The following AUTS2 variants were observed in gnomAD, a reference collection of about 807,000 sequenced individuals.
AUTS2 encodes autism susceptibility gene 2 protein.
A neutral mutation model predicts 112.4 loss-of-function variants in AUTS2; 17 were observed. The ratio of observed to expected loss-of-function variants is 0.15; its 90% CI spans 0.10 to 0.23. The LOEUF (loss-of-function observed/expected upper bound fraction) is 0.23, where lower values mean the gene tolerates loss of function less well. Ranked by LOEUF, AUTS2 falls within the 10% of genes least tolerant of loss-of-function variation. The pLI, the probability that AUTS2 is intolerant of heterozygous loss-of-function variation, is 1.00. For missense variants in AUTS2, 1,510 were observed against 1,701.6 expected (o/e 0.89, Z 1.98); for synonymous variants, 751 against 702.7 (o/e 1.07, Z -1.09).
chr7:70,686,769 G>A (rs1012595968), intron 5 of AUTS2, among the ~76,000 whole-genome samples: 1 of 152,120 alleles, frequency 6.6e-6, no homozygotes, highest in Non-Finnish European at 1.5e-5. Context: ...CTGACCTCAG[G>A]TGATCTGCCC....
At chr7:70,671,992 G>C (rs1807668642) in intron 5 of AUTS2, among the ~76,000 whole-genome samples, 1 of 152,224 alleles carries the variant, frequency 6.6e-6, no homozygotes, top group Non-Finnish European at 1.5e-5. Flanking sequence ...TGAGCAAGAG[G>C]CACAGGGAAG....
chr7:70,116,664 A>G (rs1805372393), intron 2 of AUTS2, among the ~76,000 whole-genome samples: 1 of 152,158 alleles, frequency 6.6e-6, no homozygotes, highest in African/African-American at 2.4e-5. Flanking sequence ...ATTTCCCAGC[A>G]TGTTGCTTTT....
intron 5 of AUTS2, among the ~76,000 whole-genome samples, chr7:70,636,649 ATT>A (rs11320215): frequency 2.9e-3 from 398 of 137,528 alleles, no homozygotes; most frequent in East Asian, 4.7e-3. Flanking sequence ...ACAAAAATAC[ATT>A]TTTTTTTTTT....
intron 4 of AUTS2, among the ~76,000 whole-genome samples, chr7:70,314,721 C>T (rs955849623): frequency 5.3e-5 from 8 of 152,162 alleles, no homozygotes; most frequent in African/African-American, 1.4e-4. Flanking sequence ...CTTCCATCTC[C>T]GCCATTTAAC....
chr7:70,303,428 G>GCACA (rs1720904843), intron 4 of AUTS2, among the ~76,000 whole-genome samples: 1 of 112,832 alleles, frequency 8.9e-6, no homozygotes, highest in Admixed American at 8.8e-5. Context: ...ACACACGCGC[G>GCACA]CGCGCGCACA....
At chr7:70,645,255 C>T (rs970591809) in intron 5 of AUTS2, among the ~76,000 whole-genome samples, 3 of 117,356 alleles carry the variant, frequency 2.6e-5, no homozygotes, top group Non-Finnish European at 4.8e-5. Context: ...TCATTAGGAG[C>T]TGGACATGAA....
intron 4 of AUTS2, among the ~76,000 whole-genome samples, chr7:70,187,336 A>G (rs543684720): frequency 7.2e-5 from 11 of 152,338 alleles, no homozygotes; most frequent in African/African-American, 2.2e-4. Flanking sequence ...ATAGATATTT[A>G]TATACTTTAT....
intron 1 of AUTS2, among the ~76,000 whole-genome samples, chr7:69,688,464 A>G (rs753938361): frequency 3.3e-5 from 5 of 152,198 alleles, no homozygotes; most frequent in Admixed American, 6.5e-5. Context: ...TGCCCTTGGG[A>G]AGAGGGTTCA....
At chr7:70,056,231 C>T (rs957039954) in intron 2 of AUTS2, among the ~76,000 whole-genome samples, 1 of 152,190 alleles carries the variant, frequency 6.6e-6, no homozygotes, top group Non-Finnish European at 1.5e-5. Flanking sequence ...GCAATCCATC[C>T]TCCTCATCTT....
intron 5 of AUTS2, among the ~76,000 whole-genome samples, chr7:70,620,367 G>A (rs1212215466): frequency 2.6e-5 from 4 of 152,176 alleles, no homozygotes; most frequent in Admixed American, 2.0e-4. Context: ...AAATTCTCCA[G>A]CGGAGCGTGT....
chr7:69,716,825 G>C (rs1798632325), intron 1 of AUTS2, among the ~76,000 whole-genome samples: 2 of 152,022 alleles, frequency 1.3e-5, no homozygotes, highest in African/African-American at 2.4e-5. Context: ...GAACCCGGGG[G>C]GGAAAAATTT....
At chr7:69,846,379 G>C (rs1278840333) in intron 1 of AUTS2, among the ~76,000 whole-genome samples, 1 of 152,178 alleles carries the variant, frequency 6.6e-6, no homozygotes, top group Non-Finnish European at 1.5e-5. Context: ...GCTTTGCAGA[G>C]ACTTGAGCCA....
intron 5 of AUTS2, among the ~76,000 whole-genome samples, chr7:70,503,052 G>A (rs1798827763): frequency 6.6e-6 from 1 of 152,102 alleles, no homozygotes. Flanking sequence ...GCTCCCCAGG[G>A]TGGGGAGGAA....
intron 2 of AUTS2, among the ~76,000 whole-genome samples, chr7:69,940,365 A>G (rs777504870): frequency 5.9e-5 from 9 of 152,192 alleles, no homozygotes; most frequent in Non-Finnish European, 1.3e-4. Context: ...GGGATGAAAC[A>G]TGAAGGATGA....
Position 70,787,447 on chromosome 7 carries a change from G to T in AUTS2, c.2531+16G>T, listed in dbSNP as rs368191722. The T allele has an allele frequency of 3.2e-4, 509 of 1,572,448 alleles. 4 individuals are homozygous for T. In the Middle Eastern group the frequency reaches 3.4e-3, roughly 10 times the overall value. On this transcript the variant is annotated intron_variant, in intron 18 of 18. Coordinates refer to ENST00000342771, the MANE Select transcript of AUTS2 (RefSeq NM_015570.4). ...ACAAAGAAAGGTACGGAAAGAAACC[G>T]CTCTCGAGTCCCCACGGGGGAGCCT...
At position 70,090,844 on chromosome 7, in the gene AUTS2, A is replaced by G. The variant is rs763896263; in HGVS notation, c.523-27288A>G. On this transcript the variant is annotated intron_variant, in intron 2 of 18. Coordinates refer to ENST00000342771, the MANE Select transcript of AUTS2 (RefSeq NM_015570.4). ...CAGATGTGCACCACCATGCCCGGCTAATTTTTGTATTTTTAGTAGAGATGG... is the reference window on the plus strand; with the variant it reads ...CAGATGTGCACCACCATGCCCGGCTGATTTTTGTATTTTTAGTAGAGATGG... Among the ~76,000 whole-genome samples the G allele has an allele frequency of 8.2e-4, 125 of 151,824 alleles. 1 individual carries two copies. The highest frequency in any genetic ancestry group is 1.0e-3 in the Non-Finnish European group (69 of 67,926).
intron 1 of AUTS2, among the ~76,000 whole-genome samples, chr7:69,876,484 GTATATATATATATATATATATATATA>G (rs58131271): frequency 0.12 from 6,415 of 54,120 alleles, 741 homozygotes; most frequent in Non-Finnish European, 0.16. Context: ...AATATTTTGT[GTATATATATATATATATATATATATA>G]TATATATATA....
intron 14 of AUTS2, chr7:70,781,406 T>G: frequency 2.0e-6 from 1 of 490,328 alleles, no homozygotes; most frequent in Non-Finnish European, 3.5e-6. Flanking sequence ...ACTAGTGTTG[T>G]CACTAGACAT....
chr7:69,755,441 A>G (rs1787907484), intron 1 of AUTS2, among the ~76,000 whole-genome samples: 1 of 151,934 alleles, frequency 6.6e-6, no homozygotes, highest in South Asian at 2.1e-4. Context: ...CTTGTGTCTG[A>G]GAAAGATCTC....
Sources: allele counts gnomAD v4.1 joint callset (sites outside exome capture counted in the v4.1 genomes callset), GRCh38; gene constraint gnomAD v4.1.1; transcripts MANE v1.5; gene names NCBI Gene and HGNC (gene_info 2026-07-23, HGNC 2026-07-21).